The following NXPH2 variants were observed in gnomAD, a reference collection of about 807,000 sequenced individuals.
NXPH2 encodes the protein neurexophilin 2.
In NXPH2, 5 loss-of-function variants were observed where a neutral mutation model predicts 19.8. The ratio of observed to expected loss-of-function variants is 0.25; its 90% CI spans 0.13 to 0.53. The LOEUF (loss-of-function observed/expected upper bound fraction) is 0.53. NXPH2 is among the 20% of genes least tolerant of loss of function. The pLI, the probability that NXPH2 is intolerant of heterozygous loss-of-function variation, is 0.96. For missense variants in NXPH2, 289 were observed against 322.8 expected, an observed-to-expected ratio of 0.90 and a Z score of 0.80; for synonymous variants, 154 against 127.4, an observed-to-expected ratio of 1.21 and a Z score of -1.41.
chr2:138,733,626 C>T (rs896330250), intron 1 of NXPH2, among the ~76,000 whole-genome samples: 2 of 152,062 alleles, frequency 1.3e-5, no homozygotes, highest in African/African-American at 4.8e-5. Flanking sequence ...TTGAATTGCC[C>T]TCTAGCTACC....
chr2:138,706,537 G>A (rs1188102337), intron 1 of NXPH2, among the ~76,000 whole-genome samples: 1 of 152,128 alleles, frequency 6.6e-6, no homozygotes, highest in East Asian at 1.9e-4. Flanking sequence ...GCCAGTTATA[G>A]TTGTCATTTT....
chr2:138,704,808 C>A (rs1217837908), intron 1 of NXPH2, among the ~76,000 whole-genome samples: 1 of 147,502 alleles, frequency 6.8e-6, no homozygotes. Flanking sequence ...ATGTGTGCAC[C>A]ACCACGCCCA....
intron 1 of NXPH2, among the ~76,000 whole-genome samples, chr2:138,678,700 C>T (rs1573950776): frequency 6.6e-6 from 1 of 151,940 alleles, no homozygotes; most frequent in African/African-American, 2.4e-5. Flanking sequence ...AAAATTGTAC[C>T]CACTTTGATA....
intron 1 of NXPH2, among the ~76,000 whole-genome samples, chr2:138,719,733 G>A (rs1681247606): frequency 6.6e-6 from 1 of 151,960 alleles, no homozygotes; most frequent in Admixed American, 6.6e-5. Flanking sequence ...AACTTTGAAT[G>A]TTTAAATATA....
At chr2:138,703,078 C>T (rs533837090) in intron 1 of NXPH2, among the ~76,000 whole-genome samples, 22 of 152,170 alleles carry the variant, frequency 1.4e-4, no homozygotes, top group African/African-American at 5.3e-4. Flanking sequence ...TATTAAATAG[C>T]AAGTATTTAA....
intron 1 of NXPH2, among the ~76,000 whole-genome samples, chr2:138,689,304 C>G (rs1365704997): frequency 1.3e-5 from 2 of 152,136 alleles, no homozygotes; most frequent in Admixed American, 6.5e-5. Context: ...CTTGGAGACT[C>G]AAATATAATC....
intron 1 of NXPH2, among the ~76,000 whole-genome samples, chr2:138,762,563 T>TCTA (rs1284402980): frequency 1.3e-5 from 2 of 152,194 alleles, no homozygotes; most frequent in Non-Finnish European, 2.9e-5. Context: ...TCAATTCTGG[T>TCTA]CTACTAACTA....
At chr2:138,744,403 ATTG>A (rs1293673459) in intron 1 of NXPH2, among the ~76,000 whole-genome samples, 1 of 152,080 alleles carries the variant, frequency 6.6e-6, no homozygotes, top group East Asian at 1.9e-4. Flanking sequence ...ATAGTAATGC[ATTG>A]TTATCTTTGG....
rs76118080 is a variant in NXPH2 at position 138,726,780 on chromosome 2, C to T, written c.51+53411G>A. Reference sequence around the variant, plus strand: ...AGGAGTTGACCCTACATTGACACATCATTATCACCTGAAGCTCACAGCACT... The same window carrying T: ...AGGAGTTGACCCTACATTGACACATTATTATCACCTGAAGCTCACAGCACT... On this transcript the variant is annotated intron_variant, in intron 1 of 1. Coordinates refer to ENST00000272641, the MANE Select transcript of NXPH2 (RefSeq NM_007226.3). Among the ~76,000 whole-genome samples the T allele has an allele frequency of 2.6e-5, 4 of 152,292 alleles. No homozygotes were observed. In the East Asian group the frequency reaches 7.7e-4, roughly 29 times the overall value.
intron 1 of NXPH2, among the ~76,000 whole-genome samples, chr2:138,728,359 T>G (rs1406352571): frequency 6.6e-6 from 1 of 152,220 alleles, no homozygotes; most frequent in Non-Finnish European, 1.5e-5. Flanking sequence ...TTTGTTTGTT[T>G]AAGCCACTTA....
chr2:138,670,757 A>G lies in NXPH2; in HGVS notation c.*165T>C, dbSNP rs1489135397. The G allele has an allele frequency of 1.5e-6, 1 of 670,816 alleles. No individual in the cohort carries two copies. Among genetic ancestry groups the G allele is most frequent in the South Asian group, 2.8e-5 (1 of 35,462 alleles). 41.6% of individuals were successfully genotyped at this position (670,816 alleles called of 1,614,324 possible). A position where few individuals can be genotyped will look rare whatever the true frequency, so the allele number is the denominator to read the frequency against. The stretch of plus-strand genomic sequence containing the variant: ...TACGATAGAAAGAAACAAATTTCAC[A>G]CTTAAAGATGTCTCTTTTTCTTTTT... On this transcript the variant is annotated 3_prime_UTR_variant, in exon 2 of 2. Transcript: ENST00000272641.
At chr2:138,672,414 C>T (rs774156378) in intron 1 of NXPH2, among the ~76,000 whole-genome samples, 35 of 151,964 alleles carry the variant, frequency 2.3e-4, no homozygotes, top group Non-Finnish European at 3.5e-4. Flanking sequence ...TTATGGGTTC[C>T]TCAGTATTTT....
intron 1 of NXPH2, among the ~76,000 whole-genome samples, chr2:138,719,745 TATTAAA>T (rs1681247840): frequency 6.6e-6 from 1 of 152,138 alleles, no homozygotes. Context: ...TTAAATATAT[TATTAAA>T]ATTAGTCTTT....
At chr2:138,719,279 T>C (rs1681241139) in intron 1 of NXPH2, among the ~76,000 whole-genome samples, 1 of 152,062 alleles carries the variant, frequency 6.6e-6, no homozygotes, top group South Asian at 2.1e-4. Context: ...TAGAGTATCA[T>C]CCCTATAAAG....
In NXPH2 at chr2:138,671,181, G is replaced by C. The variant is rs1680407736; in HGVS notation, c.536C>G (p.Thr179Ser). The change falls in exon 2 of 2, where the codon ACC (threonine) becomes AGC (serine). Residue 179 changes from threonine to serine, a missense_variant. Thr to Ser is a moderately conservative substitution (Grantham distance 58, BLOSUM62 1). Coordinates refer to ENST00000272641, the MANE Select transcript of NXPH2 (RefSeq NM_007226.3). Reference sequence around the variant, plus strand: ...ACAATTGAAAGATTTGGATTCCTTGGTCTCCAAGGTAGACTGGGGGGAAAC... The same window carrying C: ...ACAATTGAAAGATTTGGATTCCTTGCTCTCCAAGGTAGACTGGGGGGAAAC... ...FEVSPQSTLE[T>S]KESKSFNCRI... The C allele has an allele frequency of 1.9e-6, 3 of 1,613,894 alleles. No individual in the cohort carries two copies. The highest frequency in any genetic ancestry group is 2.5e-6 in the Non-Finnish European group (3 of 1,179,860).
chr2:138,739,728 CA>C (rs1249260045), intron 1 of NXPH2, among the ~76,000 whole-genome samples: 2 of 152,142 alleles, frequency 1.3e-5, no homozygotes, highest in Non-Finnish European at 2.9e-5. Flanking sequence ...AGGGGCTGTG[CA>C]AGCTTAACCC....
chr2:138,763,060 TTTAA>T (rs1162650239), intron 1 of NXPH2, among the ~76,000 whole-genome samples: 6 of 152,170 alleles, frequency 3.9e-5, no homozygotes, highest in African/African-American at 1.2e-4. Flanking sequence ...AAATAATCAC[TTTAA>T]TTAAGACTAA....
intron 1 of NXPH2, among the ~76,000 whole-genome samples, chr2:138,758,340 C>A (rs1681947765): frequency 1.3e-5 from 2 of 152,142 alleles, no homozygotes; most frequent in Non-Finnish European, 2.9e-5. Context: ...TCACATTCCT[C>A]CATTCTTGAG....
At chr2:138,753,045 G>C (rs1681849390) in intron 1 of NXPH2, among the ~76,000 whole-genome samples, 1 of 152,074 alleles carries the variant, frequency 6.6e-6, no homozygotes, top group Non-Finnish European at 1.5e-5. Flanking sequence ...ATACGGTATT[G>C]TCTCGAAGGA....
Sources: gnomAD v4.1 joint callset for allele counts (sites outside exome capture counted in the v4.1 genomes callset) on GRCh38, gnomAD v4.1.1 for gene constraint, MANE v1.5 for transcripts, NCBI Gene and HGNC (gene_info 2026-07-23, HGNC 2026-07-21) for gene names.